Variants in RBM28 observed in about 807,000 individuals in gnomAD.
RBM28 encodes the protein RNA-binding protein 28.
A neutral mutation model predicts 98.3 loss-of-function variants in RBM28; 78 were observed. The ratio of observed to expected loss-of-function variants is 0.79; its 90% CI spans 0.66 to 0.96. The LOEUF is 0.96. Among genes scored for constraint, RBM28 ranks in the 40% least tolerant of loss-of-function variants. RBM28 has a pLI of 0.00. For synonymous variants in RBM28, 306 were observed against 330.9 expected, an observed-to-expected ratio of 0.92 and a Z score of 0.82; for missense variants, 838 against 913.0, an observed-to-expected ratio of 0.92 and a Z score of 1.06.
chr7:128,337,264 G>T, intron 5 of RBM28, 62 bp from the exon 6 acceptor site: 1 of 1,507,600 alleles, frequency 6.6e-7, no homozygotes, highest in South Asian at 1.1e-5. Flanking sequence ...CTCTGTAAAT[G>T]ACCCCTAGTC....
At chr7:128,334,279 CTTCT>C (rs1796548997) in intron 8 of RBM28, among the ~76,000 whole-genome samples, 1 of 152,180 alleles carries the variant, frequency 6.6e-6, no homozygotes, top group Non-Finnish European at 1.5e-5. Flanking sequence ...TGGTGAGAAA[CTTCT>C]ACTTTGTGTA....
intron 1 of RBM28, among the ~76,000 whole-genome samples, chr7:128,342,028 G>C (rs1796735581): frequency 6.6e-6 from 1 of 152,166 alleles, no homozygotes. Flanking sequence ...GCATGGTGAA[G>C]CACGTCTGTA....
intron 8 of RBM28, among the ~76,000 whole-genome samples, chr7:128,333,882 G>T (rs1796539409): frequency 6.6e-6 from 1 of 152,190 alleles, no homozygotes; most frequent in Admixed American, 6.5e-5. Context: ...ATCCAATGTG[G>T]TAAGGTTATG....
chr7:128,325,575 G>A (rs994481743), intron 11 of RBM28, among the ~76,000 whole-genome samples: 2 of 151,882 alleles, frequency 1.3e-5, no homozygotes, highest in Admixed American at 6.6e-5. Flanking sequence ...TATCAGATAC[G>A]TTATTATCCC....
intron 17 of RBM28, among the ~76,000 whole-genome samples, chr7:128,313,721 G>C (rs1246885926): frequency 6.6e-6 from 1 of 152,154 alleles, no homozygotes; most frequent in Admixed American, 6.5e-5. Context: ...CTGGATCATG[G>C]GGATGACTCC....
chr7:128,318,253 G>T, intron 14 of RBM28, 147 bp from the exon 15 acceptor site: 2 of 846,422 alleles, frequency 2.4e-6, no homozygotes, highest in Non-Finnish European at 3.8e-6. Context: ...GGGAGGCCGA[G>T]ACAGGAGGAT....
At chr7:128,338,577 A>G in intron 4 of RBM28, 149 bp downstream of exon 4, 2 of 771,236 alleles carry the variant, frequency 2.6e-6, no homozygotes, top group East Asian at 5.3e-5. Flanking sequence ...CTGATCCAAC[A>G]GAAAATATCA....
chr7:128,338,552 C>G (rs1796653639), intron 4 of RBM28, among the ~76,000 whole-genome samples, 174 bp downstream of exon 4: 1 of 152,226 alleles, frequency 6.6e-6, no homozygotes, highest in Admixed American at 6.5e-5. Flanking sequence ...ACTAACTCGC[C>G]TTCTAAAACT....
intron 8 of RBM28, 46 bp downstream of exon 8, chr7:128,335,497 G>A: frequency 6.2e-7 from 1 of 1,612,048 alleles, no homozygotes; most frequent in South Asian, 1.1e-5. Flanking sequence ...CGTAACTTCA[G>A]TAACTTTTTT....
At chr7:128,337,325 G>T in intron 5 of RBM28, 123 bp from the exon 6 acceptor site, 2 of 920,244 alleles carry the variant, frequency 2.2e-6, no homozygotes, top group Non-Finnish European at 3.5e-6. Flanking sequence ...CCAATTCAGG[G>T]AATGCTGGTC....
chr7:128,324,496 T>C, intron 12 of RBM28, 63 bp downstream of exon 12: 2 of 1,608,624 alleles, frequency 1.2e-6, no homozygotes, highest in Non-Finnish European at 1.7e-6. Context: ...ATACTATTGC[T>C]TGATCAATGA....
chr7:128,299,014 C>CA lies in RBM28; in HGVS notation c.*11782dup, dbSNP rs71160623. On this transcript the variant is annotated 3_prime_UTR_variant, in exon 19 of 19. Coordinates refer to ENST00000223073, the MANE Select transcript of RBM28 (RefSeq NM_018077.3). ...GGAGACAGAGTGAGACCCTCTCTCTCAAAAAAAAAAAAAAATGTACCCATA... is the reference window on the plus strand; with the variant it reads ...GGAGACAGAGTGAGACCCTCTCTCTCAAAAAAAAAAAAAAAATGTACCCATA... 1,137 of 136,532 alleles carry CA rather than the reference C, an allele frequency of 8.3e-3. 26 individuals carry two copies. Among genetic ancestry groups the CA allele is most frequent in the African/African-American group, 0.024 (870 of 36,398 alleles). The allele number at this position is 136,532 out of a possible 1,614,324, so 8.5% of individuals were successfully genotyped here.
Position 128,324,691 on chromosome 7 carries a change from C to G in RBM28, c.1207G>C (p.Gly403Arg), listed in dbSNP as rs1027073226. 3 of 1,614,036 alleles carry G rather than the reference C, an allele frequency of 1.9e-6. No homozygotes were observed. In the Admixed American group the frequency reaches 5.0e-5, roughly 27 times the overall value. ...LLAASPENEA[G>R]GLKLDGRQLK... ...TGCCGGCCATCCAGTTTAAGCCCAC[C>G]AGCCTGTAACAGATCACAACCCTTT... The change falls in exon 12 of 19, where the codon GGT becomes CGT. Residue 403 changes from glycine to arginine, a missense_variant. Gly to Arg is a moderately radical substitution (Grantham distance 125). Transcript: ENST00000223073.
At chr7:128,323,940 T>C (rs1562952902) in intron 12 of RBM28, among the ~76,000 whole-genome samples, 1 of 152,334 alleles carries the variant, frequency 6.6e-6, no homozygotes, top group East Asian at 1.9e-4. Context: ...GTTCCACCTA[T>C]AATCTGCCCT....
rs1471644974 is a variant in RBM28, at chr7:128,305,675, C to T, written c.*5122G>A. ...TTCTTGCACATCCAGACTTCACATC[C>T]CGCCTTGTGCATACAGACTGGGAGT... On this transcript the variant is annotated 3_prime_UTR_variant, in exon 19 of 19. Transcript: ENST00000223073. 6.6e-6 allele frequency: 1 copy of T among 152,228 alleles called. No homozygotes were observed. The highest frequency in any genetic ancestry group is 1.9e-4 in the East Asian group (1 of 5,196). The allele number at this position is 152,228 out of a possible 1,614,324, so 9.4% of individuals were successfully genotyped here. A position where few individuals can be genotyped will look rare whatever the true frequency, so the allele number is the denominator to read the frequency against.
chr7:128,339,484 T>A, intron 2 of RBM28, 149 bp downstream of exon 2: 1 of 1,173,826 alleles, frequency 8.5e-7, no homozygotes, highest in Non-Finnish European at 1.2e-6. Context: ...CTAAAATGAG[T>A]ATCACAATAC....
At chr7:128,339,532 G>A in intron 2 of RBM28, 101 bp downstream of exon 2, 1 of 1,434,870 alleles carries the variant, frequency 7.0e-7, no homozygotes, top group Admixed American at 1.8e-5. Flanking sequence ...AATGCAAAAA[G>A]CTTTAAGTTC....
At chr7:128,332,356 A>G (rs982133324) in intron 9 of RBM28, among the ~76,000 whole-genome samples, 1 of 145,944 alleles carries the variant, frequency 6.9e-6, no homozygotes, top group Admixed American at 6.9e-5. Flanking sequence ...AAGAAAACAA[A>G]TTTTTTTTTT....
intron 18 of RBM28, among the ~76,000 whole-genome samples, chr7:128,312,809 T>C (rs1796015682): frequency 1.3e-5 from 2 of 152,188 alleles, no homozygotes; most frequent in South Asian, 4.1e-4. Flanking sequence ...ATAAGGTGTG[T>C]GTGTTTAAGG....
Sources: allele counts gnomAD v4.1 joint callset (sites outside exome capture counted in the v4.1 genomes callset), GRCh38; gene constraint gnomAD v4.1.1; transcripts MANE v1.5; gene names NCBI Gene and HGNC (gene_info 2026-07-23, HGNC 2026-07-21).